The following SALL4 variants were observed in gnomAD, a reference collection of about 807,000 sequenced individuals.
The protein encoded by SALL4 is spalt like transcription factor 4, also known as sal-like protein 4.
SALL4 carries 4 observed loss-of-function variants against 60.8 expected under a neutral mutation model. The ratio of observed to expected loss-of-function variants is 0.07; its 90% CI spans 0.03 to 0.15. The LOEUF (loss-of-function observed/expected upper bound fraction) is 0.15, where lower values mean the gene tolerates loss of function less well. Ranked by LOEUF, SALL4 falls within the 10% of genes least tolerant of loss-of-function variation. SALL4 has a pLI of 1.00. For synonymous variants in SALL4, 580 were observed against 574.9 expected (o/e 1.01, Z -0.13); for missense variants, 1,178 against 1,394.7 (o/e 0.84, Z 2.48).
At chr20:51,796,706 A>G (rs2078081753) in intron 1 of SALL4, among the ~76,000 whole-genome samples, 1 of 152,184 alleles carries the variant, frequency 6.6e-6, no homozygotes, top group African/African-American at 2.4e-5. Flanking sequence ...GGTGACTTAA[A>G]TACTATTTAA....
Position 51,790,753 on chromosome 20 carries a change from C to T in SALL4, c.1730G>A (p.Cys577Tyr). ...ATAATGCATCTTGAGGGAGCTCTGA[C>T]AGCTTAAGACTCGGTGGCAAATGAG... is the stretch of plus-strand genomic sequence containing the variant. ...ECLICHRVLSCQSSLKMHYRT... is the reference protein window; with the variant it reads ...ECLICHRVLSYQSSLKMHYRT... Residue 577 changes from cysteine (C) to tyrosine (Y), a missense_variant, in exon 2 of 4, where the codon TGT becomes TAT. By Grantham distance (194) the Cys-to-Tyr change is radical (BLOSUM62 -2). Around this residue, in one of 5 missense-constraint regions of SALL4, gnomAD observed 853 missense variants for 1,036.8 expected, o/e 0.82. Coordinates refer to ENST00000217086, the MANE Select transcript of SALL4 (RefSeq NM_020436.5). This position sits in a 1 kb window ranked among gnomAD's most constrained non-coding sequence, Gnocchi z 5.5. 1.2e-6 allele frequency: 2 copies of T among 1,614,142 alleles called. No homozygotes were observed. Among genetic ancestry groups the T allele is most frequent in the East Asian group, 2.2e-5 (1 of 44,856 alleles).
intron 1 of SALL4, among the ~76,000 whole-genome samples, chr20:51,798,328 AG>A (rs11477926): frequency 0.022 from 3,414 of 152,246 alleles, 93 homozygotes; most frequent in East Asian, 0.089. Context: ...TTCCAAGGTT[AG>A]GGAAGTGTCC....
chr20:51,797,012 A>C (rs1983341242), intron 1 of SALL4, among the ~76,000 whole-genome samples: 1 of 152,102 alleles, frequency 6.6e-6, no homozygotes, highest in African/African-American at 2.4e-5. Flanking sequence ...CAGGGGGTCT[A>C]TGAAATTAGA....
rs2077968677 is a variant in SALL4, at chr20:51,783,657, G to A, written c.*608C>T. 1.3e-5 allele frequency: 2 copies of A among 154,962 alleles called. No homozygotes were observed. Among genetic ancestry groups the A allele is most frequent in the Non-Finnish European group, 2.9e-5 (2 of 69,928 alleles). The allele number at this position is 154,962 out of a possible 1,614,324, so 9.6% of individuals were successfully genotyped here. ...AAAAAGTCACTCTAGGTTGTACAAA[G>A]GTTCTATGTATACGTCTGTTACAAG... is the stretch of plus-strand genomic sequence containing the variant. On this transcript the variant is annotated 3_prime_UTR_variant, in exon 4 of 4. Transcript: ENST00000217086.
At position 51,788,827 on chromosome 20, in the gene SALL4, G is replaced by GC; in HGVS notation, c.2742+33dup. The GC allele has an allele frequency of 6.2e-7, 1 of 1,611,608 alleles. No individual in the cohort carries two copies. Among genetic ancestry groups the GC allele is most frequent in the Non-Finnish European group, 8.5e-7 (1 of 1,179,892 alleles). On this transcript the variant is annotated intron_variant, in intron 3 of 3. Transcript: ENST00000217086. This position sits in a 1 kb window ranked among gnomAD's most constrained non-coding sequence, Gnocchi z 4.1. ...CCAATAAGAAGACACCTGGTGCCTA[G>GC]CCCCCATCCTGCTGAAAGCCCACAC...
intron 1 of SALL4, 49 bp from the exon 2 acceptor site, chr20:51,792,401 G>T (rs760053086): frequency 5.0e-6 from 8 of 1,593,164 alleles, no homozygotes; most frequent in Admixed American, 3.3e-5. Flanking sequence ...TAAAAGATGT[G>T]GGGGGAGCCG....
At position 51,784,352 on chromosome 20, in the gene SALL4, T is replaced by C. The variant is rs773514933; in HGVS notation, c.3075A>G (p.Ala1025=). The change falls in exon 4 of 4, where the codon GCA becomes GCG. Residue 1025 remains alanine, a synonymous_variant. Transcript: ENST00000217086. ...KMDGSQSGIS[A]DVEKPSATDG... ...CAGTAGCACTTGGTTTTTCCACATC[T>C]GCACTGATACCCGACTGGGAGCCAT... 6.2e-7 allele frequency: 1 copy of C among 1,614,066 alleles called. No homozygotes were observed. Among genetic ancestry groups the C allele is most frequent in the Admixed American group, 1.7e-5 (1 of 59,990 alleles).
intron 3 of SALL4, among the ~76,000 whole-genome samples, chr20:51,785,121 G>A (rs959110835): frequency 1.3e-5 from 2 of 151,994 alleles, no homozygotes; most frequent in Admixed American, 6.6e-5. Flanking sequence ...CGGCCAACAT[G>A]ATGAAACCCT....
chr20:51,791,731 C>A lies in SALL4; in HGVS notation c.752G>T (p.Gly251Val), dbSNP rs1220730531. The A allele has an allele frequency of 6.2e-7, 1 of 1,614,154 alleles. No individual in the cohort carries two copies. The highest frequency in any genetic ancestry group is 8.5e-7 in the Non-Finnish European group (1 of 1,180,044). Residue 251 changes from glycine (G) to valine (V), a missense_variant, in exon 2 of 4, where the codon GGG becomes GTG. By Grantham distance (109) the Gly-to-Val change is moderately radical. Around this residue, in one of 5 missense-constraint regions of SALL4, gnomAD observed 853 missense variants for 1,036.8 expected, o/e 0.82. Coordinates refer to ENST00000217086, the MANE Select transcript of SALL4 (RefSeq NM_020436.5). This position sits in a 1 kb window ranked among gnomAD's most constrained non-coding sequence, Gnocchi z 4.6. ...MWASHALHSSGAGADTLKTLG... is the reference protein window; with the variant it reads ...MWASHALHSSVAGADTLKTLG... ...GGTCTTCAGAGTGTCGGCCCCTGCC[C>A]CGCTTGAGTGGAGGGCGTGGGAGGC...
At chr20:51,800,431 C>CA (rs2078102690) in intron 1 of SALL4, among the ~76,000 whole-genome samples, 1 of 152,236 alleles carries the variant, frequency 6.6e-6, no homozygotes, top group South Asian at 2.1e-4. Flanking sequence ...AGCGCACGGC[C>CA]AGGCCCGAGG....
chr20:51,784,982 T>C (rs558288501), intron 3 of SALL4, among the ~76,000 whole-genome samples: 2 of 152,314 alleles, frequency 1.3e-5, no homozygotes, highest in African/African-American at 4.8e-5. Context: ...ACGCAAAGCC[T>C]ATTTTATTTT....
chr20:51,798,716 T>C (rs2078093267), intron 1 of SALL4, among the ~76,000 whole-genome samples: 1 of 151,902 alleles, frequency 6.6e-6, no homozygotes. Context: ...TCCCAACATT[T>C]AAGATGGCAG....
intron 1 of SALL4, chr20:51,792,924 G>A: frequency 1.0e-6 from 1 of 996,452 alleles, no homozygotes; most frequent in Non-Finnish European, 1.2e-6. Flanking sequence ...GATATCAATG[G>A]AGCTTGGGGC....
At chr20:51,785,747 G>A (rs1489729598) in intron 3 of SALL4, among the ~76,000 whole-genome samples, 7 of 151,248 alleles carry the variant, frequency 4.6e-5, no homozygotes, top group Admixed American at 6.6e-5. Flanking sequence ...GGGTTCAAGC[G>A]ATTCTCCTGC....
rs1486806662 is a variant in SALL4, at chr20:51,790,503, C to G, written c.1980G>C (p.Glu660Asp). 1.2e-6 allele frequency: 2 copies of G among 1,614,024 alleles called. No homozygotes were observed. The highest frequency in any genetic ancestry group is 2.2e-5 in the East Asian group (1 of 44,888). The part of the protein sequence containing the change: ...GGQIPNTPLP[E>D]NPCDFTGSEP... The stretch of plus-strand genomic sequence containing the variant: ...CAGAACCCGTAAAGTCACAGGGATT[C>G]TCTGGCAGGGGCGTGTTGGGAATCT... Residue 660 changes from glutamate to aspartate, a missense_variant, in exon 2 of 4, where the codon GAG becomes GAC. This residue lies in a region of SALL4 where 853 missense variants were observed against 1,036.8 expected (regional missense o/e 0.82). Transcript: ENST00000217086. This position sits in a 1 kb window ranked among gnomAD's most constrained non-coding sequence, Gnocchi z 5.5.
Position 51,788,534 on chromosome 20 carries a change from CA to C in SALL4, c.2742+326del. On this transcript the variant is annotated intron_variant, in intron 3 of 3. Transcript: ENST00000217086. The surrounding 1 kb of genome is among the most constrained non-coding windows in gnomAD (Gnocchi z 4.1). ...TGAAACCCCACCTCTACTAAAAATA[CA>C]AAAAAATTAGCCGGCCATGGTGGCG... 6.6e-6 allele frequency among the ~76,000 whole-genome samples: 1 copy of C among 151,944 alleles called. No homozygotes were observed. The highest frequency in any genetic ancestry group is 2.1e-4 in the South Asian group (1 of 4,812).
chr20:51,796,879 T>C (rs774274324), intron 1 of SALL4, among the ~76,000 whole-genome samples: 6 of 152,150 alleles, frequency 3.9e-5, no homozygotes, highest in Non-Finnish European at 8.8e-5. Flanking sequence ...AAACATATTA[T>C]ATACATTTAT....
Position 51,791,066 on chromosome 20 carries a change from C to T in SALL4, c.1417G>A (p.Asp473Asn), listed in dbSNP as rs2078036215. The part of the protein sequence containing the change: ...DPIDEPSLSL[D>N]SKPVLVTTSV... ...GTGGTTACAAGGACAGGTTTGCTGT[C>T]TAAAGAAAGACTCGGTTCATCTATG... The change falls in exon 2 of 4, where the codon GAC (aspartate) becomes AAC (asparagine). Residue 473 changes from aspartate (D) to asparagine (N), a missense_variant. Asp to Asn is a conservative substitution (Grantham distance 23, BLOSUM62 1). Transcript: ENST00000217086. This position sits in a 1 kb window ranked among gnomAD's most constrained non-coding sequence, Gnocchi z 4.6. 6.2e-7 allele frequency: 1 copy of T among 1,614,112 alleles called. No homozygotes were observed. The highest frequency in any genetic ancestry group is 8.5e-7 in the Non-Finnish European group (1 of 1,180,024).
In SALL4 at chr20:51,801,986, G is replaced by A. The variant is rs1396644713; in HGVS notation, c.130+293C>T. ...GTGAGGGGCAGAGGACAAGGAGAAG[G>A]GAACCTTTCGGGAGCGAGAACAGAG... On this transcript the variant is annotated intron_variant, in intron 1 of 3. Coordinates refer to ENST00000217086, the MANE Select transcript of SALL4 (RefSeq NM_020436.5). The surrounding 1 kb of genome is among the most constrained non-coding windows in gnomAD (Gnocchi z 5.2). Among the ~76,000 whole-genome samples, 1 of 151,956 alleles carries A rather than the reference G, an allele frequency of 6.6e-6. No homozygotes were observed. The highest frequency in any genetic ancestry group is 1.5e-5 in the Non-Finnish European group (1 of 67,954).
Sources: allele counts gnomAD v4.1 joint callset (sites outside exome capture counted in the v4.1 genomes callset), GRCh38; gene constraint gnomAD v4.1.1; regional missense constraint gnomAD v4.1.1; non-coding constraint Gnocchi (gnomAD v3.1); transcripts MANE v1.5; gene names NCBI Gene and HGNC (gene_info 2026-07-23, HGNC 2026-07-21).